The following PRDM11 variants were observed in gnomAD, a reference collection of about 807,000 sequenced individuals.
The protein encoded by PRDM11 is PR/SET domain 11.
Under a neutral mutation model 97.8 loss-of-function variants are expected in PRDM11, and 20 were observed. That is an observed-to-expected ratio of 0.20 (90% CI 0.14 to 0.30). PRDM11 has a LOEUF of 0.30. Among genes scored for constraint, PRDM11 ranks in the 10% least tolerant of loss-of-function variants. The probability of loss-of-function intolerance (pLI) is 1.00; values close to 1 mark genes in which losing one functional copy is unlikely to be tolerated. For missense variants in PRDM11, 1,139 were observed against 1,555.2 expected, an observed-to-expected ratio of 0.73 and a Z score of 4.50; for synonymous variants, 599 against 637.7, an observed-to-expected ratio of 0.94 and a Z score of 0.91.
At chr11:45,169,663 G>T (rs1332306501) in intron 1 of PRDM11, among the ~76,000 whole-genome samples, 1 of 152,096 alleles carries the variant, frequency 6.6e-6, no homozygotes, top group Admixed American at 6.6e-5. Context: ...TCCAATAATA[G>T]AACACTAGGC....
At chr11:45,106,373 T>C (rs1167234853) in intron 1 of PRDM11, among the ~76,000 whole-genome samples, 1 of 152,112 alleles carries the variant, frequency 6.6e-6, no homozygotes, top group African/African-American at 2.4e-5. Flanking sequence ...CACCCATGGG[T>C]CCCACCACCC....
At chr11:45,180,321 C>A (rs1440710799) in intron 1 of PRDM11, among the ~76,000 whole-genome samples, 1 of 152,146 alleles carries the variant, frequency 6.6e-6, no homozygotes, top group Admixed American at 6.5e-5. Context: ...GGTGCGGCCG[C>A]GGCTGAGCGA....
chr11:45,198,907 C>T (rs896083848), intron 4 of PRDM11, among the ~76,000 whole-genome samples: 2 of 152,170 alleles, frequency 1.3e-5, no homozygotes, highest in African/African-American at 4.8e-5. Flanking sequence ...TGGAAAATTC[C>T]TTTGTGGCCT....
At chr11:45,136,443 G>A (rs1852845495) in intron 1 of PRDM11, among the ~76,000 whole-genome samples, 1 of 152,104 alleles carries the variant, frequency 6.6e-6, no homozygotes, top group Non-Finnish European at 1.5e-5. Context: ...ATAAAACAAG[G>A]AGGCATCTAA....
chr11:45,110,662 C>T (rs931818842), intron 1 of PRDM11, among the ~76,000 whole-genome samples: 4 of 152,222 alleles, frequency 2.6e-5, no homozygotes, highest in Admixed American at 1.3e-4. Context: ...TGTCCTGGAC[C>T]GGTGGCCACG....
intron 1 of PRDM11, among the ~76,000 whole-genome samples, chr11:45,169,411 A>G (rs1003744236): frequency 6.6e-6 from 1 of 152,228 alleles, no homozygotes; most frequent in African/African-American, 2.4e-5. Flanking sequence ...TATGTCCTTT[A>G]ACACTTTATG....
chr11:45,166,495 C>T (rs1852069161), intron 1 of PRDM11, among the ~76,000 whole-genome samples: 1 of 152,236 alleles, frequency 6.6e-6, no homozygotes, highest in African/African-American at 2.4e-5. Flanking sequence ...CACTCTTACC[C>T]ATGGAGTGGA....
chr11:45,164,477 C>A (rs555062763), intron 1 of PRDM11, among the ~76,000 whole-genome samples: 1 of 152,180 alleles, frequency 6.6e-6, no homozygotes, highest in Non-Finnish European at 1.5e-5. Flanking sequence ...TGGGGGCGTG[C>A]AAGAGAAATG....
chr11:45,102,885 A>T (rs1007250819), intron 1 of PRDM11, among the ~76,000 whole-genome samples: 1 of 152,196 alleles, frequency 6.6e-6, no homozygotes, highest in Admixed American at 6.5e-5. Context: ...TGCCAAGCTG[A>T]TTAGTGTGAA....
intron 1 of PRDM11, among the ~76,000 whole-genome samples, chr11:45,173,671 ATGTGTTC>A (rs977453974): frequency 9.9e-5 from 15 of 151,722 alleles, no homozygotes; most frequent in Middle Eastern, 3.4e-3. Flanking sequence ...CCTTGGGAGA[ATGTGTTC>A]CACCAGCCCT....
chr11:45,105,402 C>T (rs1346215785), intron 1 of PRDM11, among the ~76,000 whole-genome samples: 1 of 152,228 alleles, frequency 6.6e-6, no homozygotes, highest in Non-Finnish European at 1.5e-5. Context: ...TAGTGAGAAC[C>T]CTCATCTATC....
In PRDM11 at chr11:45,194,590, C is replaced by CTTTTTTTTTTTTTTTTTTT. The variant is rs1183339151; in HGVS notation, c.487-10120_487-10119insTTTTTTTTTTTTTTTTTTT. 4.4e-5 allele frequency among the ~76,000 whole-genome samples: 4 copies of CTTTTTTTTTTTTTTTTTTT among 89,992 alleles called. 2 individuals are homozygous for CTTTTTTTTTTTTTTTTTTT. Among genetic ancestry groups the CTTTTTTTTTTTTTTTTTTT allele is most frequent in the Non-Finnish European group, 4.5e-5 (2 of 44,720 alleles). The allele number at this position is 89,992 out of a possible 152,430, so 59.0% of individuals were successfully genotyped here. A position where few individuals can be genotyped will look rare whatever the true frequency, so the allele number is the denominator to read the frequency against. ...AGTACTGTGGGATAGTTATTATCTT[C>CTTTTTTTTTTTTTTTTTTT]TGTTTTTTTTTTTTTTTTTTTTTTT... On this transcript the variant is annotated intron_variant, in intron 4 of 7. Coordinates refer to ENST00000683152, the MANE Select transcript of PRDM11 (RefSeq NM_001384648.1).
chr11:45,145,754 C>T (rs1441770997), upstream of PRDM11, among the ~76,000 whole-genome samples: 1 of 152,172 alleles, frequency 6.6e-6, no homozygotes, highest in Non-Finnish European at 1.5e-5. Flanking sequence ...TTACGCCACC[C>T]TGCAGTGTCC....
Position 45,183,022 on chromosome 11 carries a change from G to T in PRDM11, c.385G>T (p.Val129Leu). The change falls in exon 4 of 8, where the codon GTG becomes TTG. Residue 129 changes from valine (V) to leucine (L), a missense_variant. Physicochemically the swap from Val to Leu is conservative, Grantham distance 32. Around this residue, in one of 2 missense-constraint regions of PRDM11, gnomAD observed 429 missense variants for 510.3 expected, o/e 0.84. Coordinates refer to ENST00000683152, the MANE Select transcript of PRDM11 (RefSeq NM_001384648.1). ...CAAGGACACTAGTGGAGAGAGTGAC[G>T]TGCGATGTGTAAACGAGGTCATCCC... ...VVKDTSGESD[V>L]RCVNEVIPKG... is the part of the protein sequence containing the mutation. 1 of 1,614,146 alleles carries T rather than the reference G, an allele frequency of 6.2e-7. No homozygotes were observed.
chr11:45,225,625 T>C (rs714417), intron 7 of PRDM11, among the ~76,000 whole-genome samples: 85,246 of 152,026 alleles, frequency 0.56, 25,803 homozygotes, highest in Non-Finnish European at 0.69. Context: ...AAGTCCTTGC[T>C]ATATAACTTT....
Position 45,224,725 on chromosome 11 carries a change from A to G in PRDM11, c.1251A>G (p.Leu417=), listed in dbSNP as rs142004724. Residue 417 remains leucine (L), a synonymous_variant, in exon 7 of 8, where the codon CTA becomes CTG. Coordinates refer to ENST00000683152, the MANE Select transcript of PRDM11 (RefSeq NM_001384648.1). ...CTTTTTGCCCTAACTGTATTCGCCT[A>G]AAGAAGAAGGTTCGGGAGCTCCAGG... ...TTSFCPNCIR[L]KKKVRELQAE... 625 of 1,614,044 alleles carry G rather than the reference A, an allele frequency of 3.9e-4. No homozygotes were observed. The highest frequency in any genetic ancestry group is 5.2e-4 in the Non-Finnish European group (608 of 1,180,040).
At chr11:45,156,049 T>TTTGGAA (rs1332904057) in intron 1 of PRDM11, among the ~76,000 whole-genome samples, 4 of 152,190 alleles carry the variant, frequency 2.6e-5, no homozygotes, top group African/African-American at 9.6e-5. Flanking sequence ...GTCTGTCTGA[T>TTTGGAA]TCCAGAGTCT....
intron 4 of PRDM11, among the ~76,000 whole-genome samples, chr11:45,190,111 T>C (rs2135756617): frequency 1.3e-5 from 2 of 151,950 alleles, no homozygotes; most frequent in Middle Eastern, 6.8e-3. Flanking sequence ...TTTCTACACT[T>C]ACACCACCTA....
intron 4 of PRDM11, among the ~76,000 whole-genome samples, chr11:45,185,097 A>G (rs1011629536): frequency 1.2e-4 from 19 of 152,204 alleles, no homozygotes; most frequent in Non-Finnish European, 4.4e-5. Flanking sequence ...GAAACCAGCC[A>G]GAAAGACTGA....
Sources: allele counts gnomAD v4.1 joint callset (sites outside exome capture counted in the v4.1 genomes callset), GRCh38; gene constraint gnomAD v4.1.1; regional missense constraint gnomAD v4.1.1; transcripts MANE v1.5; gene names NCBI Gene and HGNC (gene_info 2026-07-23, HGNC 2026-07-21).